NOPCHAP1: variants seen among roughly 807,000 people sequenced by gnomAD.
The protein encoded by NOPCHAP1 is NOP protein chaperone 1, also known as DNA damage-sensitive RNA 1.
Under a neutral mutation model 14.0 loss-of-function variants are expected in NOPCHAP1, and 13 were observed. The ratio of observed to expected loss-of-function variants is 0.93; its 90% CI spans 0.60 to 1.47. The LOEUF is 1.47. Among genes scored for constraint, NOPCHAP1 ranks in the 40% most tolerant of loss-of-function variants. The pLI, the probability that NOPCHAP1 is intolerant of heterozygous loss-of-function variation, is 0.00. For synonymous variants in NOPCHAP1, 78 were observed against 78.4 expected, an observed-to-expected ratio of 1.00 and a Z score of 0.03; for missense variants, 230 against 226.9, an observed-to-expected ratio of 1.01 and a Z score of -0.09.
chr12:104,993,194 C>A (rs374817961), intron 3 of NOPCHAP1, among the ~76,000 whole-genome samples: 2 of 152,098 alleles, frequency 1.3e-5, no homozygotes, highest in African/African-American at 4.8e-5. Context: ...GCCTTTCTTT[C>A]GCCTCTGGAA....
In NOPCHAP1 at chr12:104,996,217, A is replaced by G. The variant is rs1478849116; in HGVS notation, c.*1521A>G. On this transcript the variant is annotated 3_prime_UTR_variant, in exon 4 of 4. Coordinates refer to ENST00000552951, the MANE Select transcript of NOPCHAP1 (RefSeq NM_152318.3). Reference sequence around the variant, plus strand: ...ACAGGCAGACCCTCTGAGGCTGGAAAAGAGGGCTACCTAGTGGTATTTGAG... The same window carrying G: ...ACAGGCAGACCCTCTGAGGCTGGAAGAGAGGGCTACCTAGTGGTATTTGAG... The G allele has an allele frequency of 6.6e-6, 1 of 152,152 alleles. No homozygotes were observed. The highest frequency in any genetic ancestry group is 1.5e-5 in the Non-Finnish European group (1 of 68,030). The allele number at this position is 152,152 out of a possible 1,614,324, so 9.4% of individuals were successfully genotyped here.
In NOPCHAP1 at chr12:104,997,742, G is replaced by A. The variant is rs902722783; in HGVS notation, c.*3046G>A. On this transcript the variant is annotated 3_prime_UTR_variant, in exon 4 of 4. Transcript: ENST00000552951. ...TCCGCATTTCCTGAATTTGAATGTT[G>A]GCCTCTCTAGCAAGGTTGGGGAAGT... The A allele has an allele frequency of 1.3e-5, 2 of 152,120 alleles. No homozygotes were observed. The highest frequency in any genetic ancestry group is 4.8e-5 in the African/African-American group (2 of 41,424). The allele number at this position is 152,120 out of a possible 1,614,324, so 9.4% of individuals were successfully genotyped here.
intron 3 of NOPCHAP1, among the ~76,000 whole-genome samples, chr12:104,993,582 G>C (rs573001863): frequency 1.2e-4 from 18 of 152,318 alleles, no homozygotes; most frequent in African/African-American, 4.1e-4. Context: ...TCCAACAGAA[G>C]GCCCCGAGTG....
rs568978902 is a variant in NOPCHAP1 at position 105,015,765 on chromosome 12, G to A, written c.*21069G>A. On this transcript the variant is annotated 3_prime_UTR_variant, in exon 4 of 4. Coordinates refer to ENST00000552951, the MANE Select transcript of NOPCHAP1 (RefSeq NM_152318.3). The stretch of plus-strand genomic sequence containing the variant: ...GGCATCCTCTGGGGGGTCTTGGAAT[G>A]TATCCCCCATGGATAAGACTACTTG... The A allele has an allele frequency of 7.9e-5, 12 of 152,286 alleles. No homozygotes were observed. The highest frequency in any genetic ancestry group is 2.9e-4 in the African/African-American group (12 of 41,576). The allele number at this position is 152,286 out of a possible 1,614,324, so 9.4% of individuals were successfully genotyped here.
rs1351663507 is a variant in NOPCHAP1 at position 105,012,004 on chromosome 12, T to G, written c.*17308T>G. 2.0e-5 allele frequency: 3 copies of G among 152,194 alleles called. No homozygotes were observed. Among genetic ancestry groups the G allele is most frequent in the Non-Finnish European group, 4.4e-5 (3 of 68,040 alleles). The allele number at this position is 152,194 out of a possible 1,614,324, so 9.4% of individuals were successfully genotyped here. A position where few individuals can be genotyped will look rare whatever the true frequency, so the allele number is the denominator to read the frequency against. On this transcript the variant is annotated 3_prime_UTR_variant, in exon 4 of 4. Transcript: ENST00000552951. The stretch of plus-strand genomic sequence containing the variant: ...CTTCTCGAGGAATATCTTCATGGTG[T>G]TCTCTGTATTTCCTGAATTTGAATG...
At chr12:104,994,382 T>C in intron 3 of NOPCHAP1, 96 bp from the exon 4 acceptor site, 1 of 1,127,898 alleles carries the variant, frequency 8.9e-7, no homozygotes, top group Non-Finnish European at 1.3e-6. Flanking sequence ...TATGTTTCAA[T>C]ATGTTTGCTG....
chr12:105,009,133 T>G lies in NOPCHAP1; in HGVS notation c.*14437T>G, dbSNP rs1208211846. On this transcript the variant is annotated 3_prime_UTR_variant, in exon 4 of 4. Coordinates refer to ENST00000552951, the MANE Select transcript of NOPCHAP1 (RefSeq NM_152318.3). ...TCCATGAGCATGGAATGTTTTTCCA[T>G]TTGTTTGTGTCCTCTCTGATTTCTT... 2 of 152,218 alleles carry G rather than the reference T, an allele frequency of 1.3e-5. No individual in the cohort carries two copies. Among genetic ancestry groups the G allele is most frequent in the Non-Finnish European group, 1.5e-5 (1 of 68,052 alleles). 9.4% of individuals were successfully genotyped at this position (152,218 alleles called of 1,614,324 possible).
In NOPCHAP1 at chr12:105,012,739, C is replaced by G. The variant is rs543243319; in HGVS notation, c.*18043C>G. ...TGTTAGTTTTCCTTCTCTAACAGGC[C>G]CCTCTGCTGCAGGTCTGCTGGAGTT... On this transcript the variant is annotated 3_prime_UTR_variant, in exon 4 of 4. Coordinates refer to ENST00000552951, the MANE Select transcript of NOPCHAP1 (RefSeq NM_152318.3). 1 of 152,884 alleles carries G rather than the reference C, an allele frequency of 6.5e-6. No individual in the cohort carries two copies. The highest frequency in any genetic ancestry group is 1.5e-5 in the Non-Finnish European group (1 of 68,540). The allele number at this position is 152,884 out of a possible 1,614,324, so 9.5% of individuals were successfully genotyped here.
chr12:104,988,276 C>T (rs1223668294), intron 2 of NOPCHAP1, 23 bp downstream of exon 2: 1 of 1,552,238 alleles, frequency 6.4e-7, no homozygotes, highest in Non-Finnish European at 8.9e-7. Context: ...TCCCCTCTCT[C>T]ACCCTCTCTA....
Position 105,001,842 on chromosome 12 carries a change from A to T in NOPCHAP1, c.*7146A>T, listed in dbSNP as rs1225930014. 1.3e-5 allele frequency: 2 copies of T among 152,196 alleles called. No individual in the cohort carries two copies. The highest frequency in any genetic ancestry group is 2.4e-5 in the African/African-American group (1 of 41,454). 9.4% of individuals were successfully genotyped at this position (152,196 alleles called of 1,614,324 possible). A position where few individuals can be genotyped will look rare whatever the true frequency, so the allele number is the denominator to read the frequency against. On this transcript the variant is annotated 3_prime_UTR_variant, in exon 4 of 4. Coordinates refer to ENST00000552951, the MANE Select transcript of NOPCHAP1 (RefSeq NM_152318.3). Reference sequence around the variant, plus strand: ...TGGCTCTAGTATCCACCAGAATTGTATAAGATTTTTCATTTGTTTTAACTT... The same window carrying T: ...TGGCTCTAGTATCCACCAGAATTGTTTAAGATTTTTCATTTGTTTTAACTT...
In NOPCHAP1 at chr12:105,007,546, A is replaced by G. The variant is rs1873731850; in HGVS notation, c.*12850A>G. On this transcript the variant is annotated 3_prime_UTR_variant, in exon 4 of 4. Coordinates refer to ENST00000552951, the MANE Select transcript of NOPCHAP1 (RefSeq NM_152318.3). ...AGACGAAGAACATGCGATAACCATA[A>G]GAGATCACTTGCAGGTTTGTTACGT... 2 of 152,072 alleles carry G rather than the reference A, an allele frequency of 1.3e-5. No individual in the cohort carries two copies. The highest frequency in any genetic ancestry group is 4.1e-4 in the South Asian group (2 of 4,824). 9.4% of individuals were successfully genotyped at this position (152,072 alleles called of 1,614,324 possible). A position where few individuals can be genotyped will look rare whatever the true frequency, so the allele number is the denominator to read the frequency against.
rs1459228221 is a variant in NOPCHAP1 at position 105,003,352 on chromosome 12, C to A, written c.*8656C>A. Reference sequence around the variant, plus strand: ...GGCTATAGTTCCAGATGGAGGAGTTCTAGACTCCATGGATCCAGATGAACT... The same window carrying A: ...GGCTATAGTTCCAGATGGAGGAGTTATAGACTCCATGGATCCAGATGAACT... On this transcript the variant is annotated 3_prime_UTR_variant, in exon 4 of 4. Transcript: ENST00000552951. 6.6e-6 allele frequency: 1 copy of A among 152,180 alleles called. No individual in the cohort carries two copies. The highest frequency in any genetic ancestry group is 1.9e-4 in the East Asian group (1 of 5,200). 9.4% of individuals were successfully genotyped at this position (152,180 alleles called of 1,614,324 possible).
rs1467273417 is a variant in NOPCHAP1, at chr12:104,991,778, T to C, written c.269T>C (p.Met90Thr). The change falls in exon 3 of 4, where the codon ATG becomes ACG. Residue 90 changes from methionine (M) to threonine (T), a missense_variant. Physicochemically the swap from Met to Thr is moderately conservative, Grantham distance 81 (BLOSUM62 -1). Transcript: ENST00000552951. Reference sequence around the variant, plus strand: ...GCAAATGAAAAGCTAAGAAAAGAAATGGCAGCTGCACCACCTGGTCGTTTC... The same window carrying C: ...GCAAATGAAAAGCTAAGAAAAGAAACGGCAGCTGCACCACCTGGTCGTTTC... ...ARANEKLRKE[M>T]AAAPPGRFNI... 6.2e-7 allele frequency: 1 copy of C among 1,613,602 alleles called. No individual in the cohort carries two copies. The highest frequency in any genetic ancestry group is 1.3e-5 in the African/African-American group (1 of 74,888).
Position 105,017,421 on chromosome 12 carries a change from C to T in NOPCHAP1, c.*22725C>T, listed in dbSNP as rs2136035915. 1 of 150,308 alleles carries T rather than the reference C, an allele frequency of 6.7e-6. No individual in the cohort carries two copies. Among genetic ancestry groups the T allele is most frequent in the East Asian group, 2.0e-4 (1 of 5,052 alleles). The allele number at this position is 150,308 out of a possible 1,614,324, so 9.3% of individuals were successfully genotyped here. A position where few individuals can be genotyped will look rare whatever the true frequency, so the allele number is the denominator to read the frequency against. ...GGCTGAGGCAGGAGAATCGCTTGAA[C>T]CCAGGAGGTGGAGGTTGGAGTGAGC... is the stretch of plus-strand genomic sequence containing the variant. On this transcript the variant is annotated 3_prime_UTR_variant, in exon 4 of 4. Transcript: ENST00000552951.
At chr12:104,988,418 T>C (rs1478327495) in intron 2 of NOPCHAP1, among the ~76,000 whole-genome samples, 165 bp downstream of exon 2, 2 of 152,202 alleles carry the variant, frequency 1.3e-5, no homozygotes, top group African/African-American at 2.4e-5. Context: ...GAATGGAACT[T>C]CTTACATTAT....
intron 1 of NOPCHAP1, among the ~76,000 whole-genome samples, chr12:104,987,440 A>C (rs1045015851): frequency 6.6e-6 from 1 of 152,210 alleles, no homozygotes; most frequent in African/African-American, 2.4e-5. Context: ...TGCTCTGATC[A>C]CGAATCCAGT....
chr12:104,990,092 G>A (rs1397288996), intron 2 of NOPCHAP1, among the ~76,000 whole-genome samples: 2 of 151,926 alleles, frequency 1.3e-5, no homozygotes, highest in African/African-American at 2.4e-5. Context: ...ACTCTTTATG[G>A]ATTATGTTTT....
intron 1 of NOPCHAP1, 70 bp downstream of exon 1, chr12:104,986,537 G>A: frequency 7.6e-7 from 1 of 1,322,856 alleles, no homozygotes; most frequent in Non-Finnish European, 1.0e-6. Flanking sequence ...TGCAGTTTGG[G>A]AGCCGGCCGG....
chr12:104,993,568 C>A (rs1873428423), intron 3 of NOPCHAP1, among the ~76,000 whole-genome samples: 1 of 152,206 alleles, frequency 6.6e-6, no homozygotes, highest in Non-Finnish European at 1.5e-5. Flanking sequence ...TCTCTCTCAA[C>A]AGTTCCAACA....
Sources: gnomAD v4.1 joint callset for allele counts (sites outside exome capture counted in the v4.1 genomes callset) on GRCh38, gnomAD v4.1.1 for gene constraint, MANE v1.5 for transcripts, NCBI Gene and HGNC (gene_info 2026-07-23, HGNC 2026-07-21) for gene names.